Variants in MYO1B observed in about 807,000 individuals in gnomAD.
MYO1B encodes the protein unconventional myosin-Ib.
MYO1B carries 72 observed loss-of-function variants against 159.7 expected under a neutral mutation model. The ratio of observed to expected loss-of-function variants is 0.45; its 90% CI spans 0.37 to 0.55. The LOEUF (loss-of-function observed/expected upper bound fraction) is 0.55, where lower values mean the gene tolerates loss of function less well. Among genes scored for constraint, MYO1B ranks in the 20% least tolerant of loss-of-function variants. MYO1B has a pLI of 0.00. For synonymous variants in MYO1B, 468 were observed against 473.8 expected (o/e 0.99, Z 0.16); for missense variants, 1,062 against 1,364.8 (o/e 0.78, Z 3.50).
intron 20 of MYO1B, among the ~76,000 whole-genome samples, chr2:191,395,160 C>G (rs574663322): frequency 6.6e-6 from 1 of 152,254 alleles, no homozygotes; most frequent in South Asian, 2.1e-4. Context: ...AAAAGGAAAA[C>G]ACAGAGGTAC....
rs371336241 is a variant in MYO1B, at chr2:191,381,414, G to A, written c.1186-48G>A. 3.1e-6 allele frequency: 4 copies of A among 1,273,460 alleles called. No homozygotes were observed. The African/African-American group carries it at 5.9e-5, about 19-fold the overall frequency. 78.9% of individuals were successfully genotyped at this position (1,273,460 alleles called of 1,614,324 possible). On this transcript the variant is annotated intron_variant, in intron 13 of 30. Coordinates refer to ENST00000392318, the MANE Select transcript of MYO1B (RefSeq NM_001130158.3). Reference sequence around the variant, plus strand: ...ATGTCTGAGTGTCATTGTTTTGAGAGAGCTAGTGGCATGGTTTATAAAGCT... The same window carrying A: ...ATGTCTGAGTGTCATTGTTTTGAGAAAGCTAGTGGCATGGTTTATAAAGCT...
chr2:191,387,855 A>G (rs1410143529), intron 17 of MYO1B: 7 of 244,704 alleles, frequency 2.9e-5, no homozygotes, highest in Admixed American at 5.1e-5. Flanking sequence ...CACAGCATTG[A>G]AGCAAGTGCT....
intron 3 of MYO1B, among the ~76,000 whole-genome samples, chr2:191,310,463 G>A (rs550380789): frequency 2.0e-5 from 3 of 152,190 alleles, no homozygotes; most frequent in Admixed American, 6.5e-5. Context: ...TCGGCCTCCC[G>A]AAGTGCTGGG....
chr2:191,298,356 ATAGT>A (rs1329951067), intron 3 of MYO1B, among the ~76,000 whole-genome samples: 5 of 152,326 alleles, frequency 3.3e-5, no homozygotes, highest in East Asian at 1.9e-4. Flanking sequence ...AGTTATCCTG[ATAGT>A]TAAGCCCCTG....
chr2:191,387,331 C>G lies in MYO1B; in HGVS notation c.1662C>G (p.Phe554Leu). 6.2e-7 allele frequency: 1 copy of G among 1,614,142 alleles called. No individual in the cohort carries two copies. Reference protein sequence around the residue: ...KASHALIKSLFPEGNPAKINL... With the variant: ...KASHALIKSLLPEGNPAKINL... ...GCCATGCCCTCATCAAGTCTTTGTT[C>G]CCCGAAGGGAATCCCGCCAAGATCA... is the stretch of plus-strand genomic sequence containing the variant. Residue 554 changes from phenylalanine (F) to leucine (L), a missense_variant, in exon 17 of 31, where the codon TTC (phenylalanine) becomes TTG (leucine). Phe to Leu is a conservative substitution (Grantham distance 22, BLOSUM62 0). Transcript: ENST00000392318.
rs1553552025 is a variant in MYO1B at position 191,360,751 on chromosome 2, G to GTGGTGTTGTTGTTGT, written c.661+24_661+25insGTGTTGTTGTTGTTG. On this transcript the variant is annotated intron_variant, in intron 8 of 30. Coordinates refer to ENST00000392318, the MANE Select transcript of MYO1B (RefSeq NM_001130158.3). ...CTCAGTAAGTCTCTGTTTCTATGTG[G>GTGGTGTTGTTGTTGT]TGTTGTTGTTGTTGTTGTTGTTGTT... is the stretch of plus-strand genomic sequence containing the variant. The GTGGTGTTGTTGTTGT allele has an allele frequency of 3.2e-4, 358 of 1,118,306 alleles. 1 individual carries two copies. The African/African-American group carries it at 4.4e-3, about 14-fold the overall frequency. 69.3% of individuals were successfully genotyped at this position (1,118,306 alleles called of 1,614,324 possible).
chr2:191,280,236 T>G (rs1453892127), intron 2 of MYO1B, among the ~76,000 whole-genome samples: 3 of 152,198 alleles, frequency 2.0e-5, no homozygotes, highest in Non-Finnish European at 4.4e-5. Context: ...AAGCTCTGGA[T>G]AGAGCAAGGC....
intron 1 of MYO1B, among the ~76,000 whole-genome samples, chr2:191,273,817 A>G (rs1687598139): frequency 6.6e-6 from 1 of 152,242 alleles, no homozygotes; most frequent in African/African-American, 2.4e-5. Flanking sequence ...CTAGAGCCCC[A>G]TGCGAATTCT....
chr2:191,272,824 A>G (rs1202177054), intron 1 of MYO1B, among the ~76,000 whole-genome samples: 1 of 152,226 alleles, frequency 6.6e-6, no homozygotes, highest in Admixed American at 6.5e-5. Flanking sequence ...GAAGATGATC[A>G]TCTTGTCAGT....
chr2:191,377,144 A>G (rs998341274), intron 13 of MYO1B, among the ~76,000 whole-genome samples: 13 of 152,296 alleles, frequency 8.5e-5, no homozygotes, highest in East Asian at 3.9e-4. Flanking sequence ...TAAACATAGT[A>G]AGTGCTCCCT....
At chr2:191,320,212 A>T (rs1287135014) in intron 3 of MYO1B, among the ~76,000 whole-genome samples, 1 of 152,122 alleles carries the variant, frequency 6.6e-6, no homozygotes, top group Non-Finnish European at 1.5e-5. Context: ...CACATCACTA[A>T]ATTATTTTCT....
intron 26 of MYO1B, among the ~76,000 whole-genome samples, chr2:191,410,286 G>T (rs1157088798): frequency 6.6e-6 from 1 of 152,116 alleles, no homozygotes; most frequent in Non-Finnish European, 1.5e-5. Flanking sequence ...ATTCCTGAAG[G>T]GAGCCTTTCC....
At chr2:191,303,203 G>A (rs11677694) in intron 3 of MYO1B, among the ~76,000 whole-genome samples, 80,476 of 151,898 alleles carry the variant, frequency 0.53, 22,065 homozygotes, top group East Asian at 0.65. Flanking sequence ...TTTCTGCAAC[G>A]GAGTTGAAAT....
At chr2:191,376,657 TAA>T (rs1044944041) in intron 13 of MYO1B, among the ~76,000 whole-genome samples, 1 of 152,200 alleles carries the variant, frequency 6.6e-6, no homozygotes, top group African/African-American at 2.4e-5. Context: ...TGCTGAACTA[TAA>T]GAAACACTAA....
Position 191,341,344 on chromosome 2 carries a change from T to G in MYO1B, c.347-117T>G, listed in dbSNP as rs546344371. 8 of 712,220 alleles carry G rather than the reference T, an allele frequency of 1.1e-5. No individual in the cohort carries two copies. In the Admixed American group the frequency reaches 1.4e-4, roughly 12 times the overall value. 44.1% of individuals were successfully genotyped at this position (712,220 alleles called of 1,614,324 possible). On this transcript the variant is annotated intron_variant, in intron 4 of 30. Coordinates refer to ENST00000392318, the MANE Select transcript of MYO1B (RefSeq NM_001130158.3). ...GTATCCAAAACATTATTTACTCCTC[T>G]AGGAATAAAGACATTTGAAAATGCC...
intron 7 of MYO1B, among the ~76,000 whole-genome samples, chr2:191,357,084 A>G (rs1224842443): frequency 6.6e-6 from 1 of 152,236 alleles, no homozygotes; most frequent in Non-Finnish European, 1.5e-5. Context: ...GTATACATAA[A>G]ATAATGAAGC....
chr2:191,353,345 T>C (rs1455802002), intron 7 of MYO1B, among the ~76,000 whole-genome samples: 1 of 152,188 alleles, frequency 6.6e-6, no homozygotes, highest in African/African-American at 2.4e-5. Flanking sequence ...GAAACTAGTT[T>C]TTAAAATTAA....
At chr2:191,260,121 G>A (rs1264523853) in intron 1 of MYO1B, among the ~76,000 whole-genome samples, 2 of 152,078 alleles carry the variant, frequency 1.3e-5, no homozygotes, top group African/African-American at 2.4e-5. Flanking sequence ...GAGGTGGGAT[G>A]TGGACAGCCA....
At chr2:191,284,161 C>T (rs1435340830) in intron 2 of MYO1B, among the ~76,000 whole-genome samples, 4 of 152,120 alleles carry the variant, frequency 2.6e-5, no homozygotes, top group South Asian at 2.1e-4. Context: ...TTTATGAGCA[C>T]GAGAGAGGAG....
Sources: gnomAD v4.1 joint callset for allele counts (sites outside exome capture counted in the v4.1 genomes callset) on GRCh38, gnomAD v4.1.1 for gene constraint, MANE v1.5 for transcripts, NCBI Gene and HGNC (gene_info 2026-07-23, HGNC 2026-07-21) for gene names.